The following TTC17 variants were observed in gnomAD, a reference collection of about 807,000 sequenced individuals.
TTC17 encodes the protein tetratricopeptide repeat protein 17.
TTC17 carries 58 observed loss-of-function variants against 143.8 expected under a neutral mutation model. That is an observed-to-expected ratio of 0.40 (90% CI 0.33 to 0.50). TTC17 has a LOEUF of 0.50. TTC17 is among the 20% of genes least tolerant of loss of function. The pLI is 0.49. For missense variants in TTC17, 1,273 were observed against 1,392.5 expected, an observed-to-expected ratio of 0.91 and a Z score of 1.37; for synonymous variants, 501 against 497.8, an observed-to-expected ratio of 1.01 and a Z score of -0.09.
intron 1 of TTC17, among the ~76,000 whole-genome samples, chr11:43,364,929 C>T (rs2134434443): frequency 6.6e-6 from 1 of 152,244 alleles, no homozygotes; most frequent in East Asian, 1.9e-4. Context: ...CCTCAGCCTC[C>T]TGAGTAGCTG....
chr11:43,401,081 T>A (rs1857832930), intron 9 of TTC17, among the ~76,000 whole-genome samples: 1 of 152,184 alleles, frequency 6.6e-6, no homozygotes, highest in Non-Finnish European at 1.5e-5. Context: ...ACCAGAGCTC[T>A]TATATATGCA....
intron 2 of TTC17, among the ~76,000 whole-genome samples, chr11:43,384,453 C>G (rs994145794): frequency 1.3e-5 from 2 of 152,082 alleles, no homozygotes; most frequent in African/African-American, 4.8e-5. Flanking sequence ...CCCGGGAGTT[C>G]GAGACCAACC....
At chr11:43,385,656 T>A (rs145224098) in intron 2 of TTC17, 1 of 151,072 alleles carries the variant, frequency 6.6e-6, no homozygotes, top group East Asian at 2.0e-4. Context: ...GCGGGAAGAT[T>A]GCTCGAGCCT....
intron 2 of TTC17, among the ~76,000 whole-genome samples, chr11:43,382,434 G>T (rs541754984): frequency 6.6e-6 from 1 of 152,222 alleles, no homozygotes; most frequent in South Asian, 2.1e-4. Context: ...ATGTAGTTGG[G>T]TTGGAGTATG....
At chr11:43,372,346 A>C (rs1856599495) in intron 1 of TTC17, among the ~76,000 whole-genome samples, 1 of 151,724 alleles carries the variant, frequency 6.6e-6, no homozygotes, top group African/African-American at 2.4e-5. Context: ...CTTGTCGCCC[A>C]GGCTGGAGTG....
chr11:43,398,432 C>G (rs1444579088), intron 8 of TTC17, among the ~76,000 whole-genome samples: 1 of 152,138 alleles, frequency 6.6e-6, no homozygotes, highest in Non-Finnish European at 1.5e-5. Context: ...ACTTAGTTGA[C>G]TACTTACTTT....
chr11:43,493,908 A>C lies in TTC17; in HGVS notation c.*4A>C, dbSNP rs751448958. 10 of 1,576,848 alleles carry C rather than the reference A, an allele frequency of 6.3e-6. No homozygotes were observed. In the East Asian group the frequency reaches 2.0e-4, roughly 32 times the overall value. Reference sequence around the variant, plus strand: ...GAAGGGACGGCGCTCTCCTTAGTGCACTTCTTCCTTCTCTCTTTCTCTTTA... The same window carrying C: ...GAAGGGACGGCGCTCTCCTTAGTGCCCTTCTTCCTTCTCTCTTTCTCTTTA... On this transcript the variant is annotated 3_prime_UTR_variant, in exon 24 of 24. Transcript: ENST00000039989.
intron 21 of TTC17, among the ~76,000 whole-genome samples, chr11:43,488,792 C>T (rs1436308702): frequency 1.3e-5 from 2 of 152,126 alleles, no homozygotes; most frequent in Non-Finnish European, 2.9e-5. Context: ...CCTCAAACTC[C>T]TGGGCTCAAG....
At position 43,405,742 on chromosome 11, in the gene TTC17, C is replaced by A. The variant is rs374669337; in HGVS notation, c.1596-44C>A. The A allele has an allele frequency of 4.8e-5, 78 of 1,612,214 alleles. No individual in the cohort carries two copies. The East Asian group carries it at 8.0e-4, about 17-fold the overall frequency. Reference sequence around the variant, plus strand: ...AGTTAAGTCTTTATCTTGAAGTCACCCAAACTTTGAAAATATGAATCTTGT... The same window carrying A: ...AGTTAAGTCTTTATCTTGAAGTCACACAAACTTTGAAAATATGAATCTTGT... On this transcript the variant is annotated intron_variant, in intron 12 of 23. Transcript: ENST00000039989.
At chr11:43,404,247 A>T (rs1858009672) in intron 11 of TTC17, 103 bp downstream of exon 11, 1 of 1,103,498 alleles carries the variant, frequency 9.1e-7, no homozygotes, top group Non-Finnish European at 1.3e-6. Flanking sequence ...ATGACTGTTC[A>T]GATTAGTTCA....
chr11:43,469,538 CCAACATCCA>C (rs1265370216), intron 21 of TTC17, among the ~76,000 whole-genome samples: 1 of 152,094 alleles, frequency 6.6e-6, no homozygotes, highest in Non-Finnish European at 1.5e-5. Context: ...CAAAAAAGAA[CCAACATCCA>C]CAACATTGAC....
rs144136952 is a variant in TTC17, at chr11:43,406,156, C to T, written c.1761+205C>T. Among the ~76,000 whole-genome samples the T allele has an allele frequency of 2.0e-4, 31 of 152,252 alleles. No homozygotes were observed. The East Asian group carries it at 5.2e-3, about 26-fold the overall frequency. On this transcript the variant is annotated intron_variant, in intron 13 of 23. Coordinates refer to ENST00000039989, the MANE Select transcript of TTC17 (RefSeq NM_018259.6). ...CAGAGAGTTCCTCGGGGCTGCTATACGTAGATCACCTAAACACTATTCCTC... is the reference window on the plus strand; with the variant it reads ...CAGAGAGTTCCTCGGGGCTGCTATATGTAGATCACCTAAACACTATTCCTC...
chr11:43,380,787 C>T (rs1856938639), intron 2 of TTC17, among the ~76,000 whole-genome samples: 1 of 152,150 alleles, frequency 6.6e-6, no homozygotes, highest in Non-Finnish European at 1.5e-5. Context: ...ACTTGAATAC[C>T]TCAACATTGT....
At chr11:43,379,133 A>C in intron 1 of TTC17, 100 bp from the exon 2 acceptor site, 3 of 1,091,338 alleles carry the variant, frequency 2.7e-6, no homozygotes, top group Non-Finnish European at 4.1e-6. Context: ...CGCTGATTAC[A>C]ATGGCGAATG....
intron 16 of TTC17, among the ~76,000 whole-genome samples, chr11:43,434,393 C>T (rs952643824): frequency 6.6e-6 from 1 of 152,180 alleles, no homozygotes; most frequent in African/African-American, 2.4e-5. Flanking sequence ...TAGAATGCTG[C>T]CTTCCCTACT....
intron 16 of TTC17, among the ~76,000 whole-genome samples, chr11:43,417,542 A>G (rs1946804918): frequency 6.6e-6 from 1 of 152,174 alleles, no homozygotes; most frequent in East Asian, 1.9e-4. Flanking sequence ...CACAGAATTC[A>G]TGATAATTGT....
At chr11:43,453,590 G>A (rs1398828401) in intron 21 of TTC17, among the ~76,000 whole-genome samples, 3 of 152,180 alleles carry the variant, frequency 2.0e-5, no homozygotes, top group Non-Finnish European at 4.4e-5. Flanking sequence ...GCCCCTTCTT[G>A]AGAAGACTGT....
chr11:43,436,389 TAAGC>T (rs1947293359), intron 16 of TTC17: 1 of 1,227,064 alleles, frequency 8.1e-7, no homozygotes, highest in African/African-American at 1.5e-5. Context: ...TCTCAAGCTT[TAAGC>T]TTAGGCTTTT....
At chr11:43,493,621 A>C in intron 23 of TTC17, 152 bp from the exon 24 acceptor site, 1 of 1,137,660 alleles carries the variant, frequency 8.8e-7, no homozygotes, top group Non-Finnish European at 1.2e-6. Flanking sequence ...TCCCAGAGGA[A>C]CCTCAGAGTT....
Sources: allele counts gnomAD v4.1 joint callset (sites outside exome capture counted in the v4.1 genomes callset), GRCh38; gene constraint gnomAD v4.1.1; transcripts MANE v1.5; gene names NCBI Gene and HGNC (gene_info 2026-07-23, HGNC 2026-07-21).